FMNL2: variants seen among roughly 807,000 people sequenced by gnomAD.
FMNL2 encodes formin-like protein 2.
In FMNL2, 51 loss-of-function variants were observed where a neutral mutation model predicts 130.2. That is an observed-to-expected ratio of 0.39 (90% CI 0.31 to 0.49). FMNL2 has a LOEUF of 0.49. Ranked by LOEUF, FMNL2 falls within the 20% of genes least tolerant of loss-of-function variation. The pLI, the probability that FMNL2 is intolerant of heterozygous loss-of-function variation, is 0.85. For synonymous variants in FMNL2, 465 were observed against 467.1 expected (o/e 1.00, Z 0.06); for missense variants, 977 against 1,316.2 (o/e 0.74, Z 3.99).
intron 5 of FMNL2, among the ~76,000 whole-genome samples, chr2:152,559,910 A>G (rs1277430888): frequency 2.0e-5 from 3 of 152,212 alleles, no homozygotes; most frequent in African/African-American, 7.2e-5. Flanking sequence ...TTGTGCATCT[A>G]TCTCTGCTAT....
At chr2:152,603,770 G>T (rs530791626) in intron 9 of FMNL2, among the ~76,000 whole-genome samples, 1 of 151,186 alleles carries the variant, frequency 6.6e-6, no homozygotes, top group African/African-American at 2.4e-5. Flanking sequence ...TGCAGGGGCA[G>T]TGGGTCCATT....
At chr2:152,602,487 C>T (rs768197704) in intron 9 of FMNL2, among the ~76,000 whole-genome samples, 16 of 152,126 alleles carry the variant, frequency 1.1e-4, no homozygotes, top group Non-Finnish European at 1.6e-4. Flanking sequence ...CCGCTCTGCT[C>T]GGCTCAGTTT....
chr2:152,392,608 C>T (rs538848246), intron 1 of FMNL2, among the ~76,000 whole-genome samples: 15 of 152,292 alleles, frequency 9.8e-5, no homozygotes, highest in South Asian at 4.1e-4. Context: ...CATCCAAATG[C>T]GGAGTGAAGC....
At chr2:152,571,781 A>T (rs556347032) in intron 6 of FMNL2, among the ~76,000 whole-genome samples, 54 of 152,298 alleles carry the variant, frequency 3.5e-4, no homozygotes, top group Middle Eastern at 6.8e-3. Context: ...TATTGAATTG[A>T]TTTATTTGTG....
intron 17 of FMNL2, 129 bp from the exon 18 acceptor site, chr2:152,628,170 C>T (rs1437368016): frequency 5.2e-6 from 4 of 764,060 alleles, no homozygotes; most frequent in Admixed American, 2.5e-5. Context: ...ATCTTAGACT[C>T]GTTGATTTGG....
chr2:152,466,701 G>A (rs1177246614), intron 1 of FMNL2, among the ~76,000 whole-genome samples: 1 of 152,150 alleles, frequency 6.6e-6, no homozygotes, highest in Non-Finnish European at 1.5e-5. Flanking sequence ...TAAGGAGCAG[G>A]GGGAGAAGAC....
At chr2:152,561,384 T>G (rs1311897480) in intron 6 of FMNL2, among the ~76,000 whole-genome samples, 1 of 152,108 alleles carries the variant, frequency 6.6e-6, no homozygotes, top group African/African-American at 2.4e-5. Context: ...GAGGCAGCAC[T>G]TAGAGATCTG....
At chr2:152,445,626 G>A (rs924964173) in intron 1 of FMNL2, among the ~76,000 whole-genome samples, 1 of 152,148 alleles carries the variant, frequency 6.6e-6, no homozygotes, top group African/African-American at 2.4e-5. Context: ...TCAACTGGAG[G>A]ACTTGTTAAA....
intron 1 of FMNL2, among the ~76,000 whole-genome samples, chr2:152,485,594 G>C (rs574623962): frequency 2.3e-4 from 35 of 152,320 alleles, no homozygotes; most frequent in Admixed American, 6.5e-4. Context: ...GGTTTTGTGT[G>C]TGTGTGTGTT....
chr2:152,625,475 A>G lies in FMNL2; in HGVS notation c.1875A>G (p.Arg625=), dbSNP rs991251479. The G allele has an allele frequency of 1.9e-6, 3 of 1,611,466 alleles. No individual in the cohort carries two copies. In the African/African-American group the frequency reaches 4.0e-5, roughly 22 times the overall value. The part of the protein sequence containing the change: ...KIKKPIKTKF[R]MPVFNWVALK... The stretch of plus-strand genomic sequence containing the variant: ...AGAAGCCAATCAAGACGAAGTTCAG[A>G]ATGCCAGTGTTTAACTGGGTTGCTC... Residue 625 remains arginine (R), a synonymous_variant, in exon 16 of 26, where the codon AGA becomes AGG. Transcript: ENST00000288670.
At chr2:152,349,325 C>T (rs1682335969) in intron 1 of FMNL2, among the ~76,000 whole-genome samples, 2 of 152,148 alleles carry the variant, frequency 1.3e-5, no homozygotes, top group South Asian at 2.1e-4. Context: ...TATGCATTAT[C>T]GTTGATGCTC....
chr2:152,411,817 T>C (rs1039107584), intron 1 of FMNL2, among the ~76,000 whole-genome samples: 6 of 152,210 alleles, frequency 3.9e-5, no homozygotes, highest in South Asian at 4.1e-4. Context: ...TACCCTTTTA[T>C]TGGGTGCCAT....
At position 152,524,754 on chromosome 2, in the gene FMNL2, T is replaced by G. The variant is rs187308244; in HGVS notation, c.201+2728T>G. ...GCAGACCCTGTGCTGCACGTTTTGGTTTTGGAGCTTTGGCCATTTCCCGTA... is the reference window on the plus strand; with the variant it reads ...GCAGACCCTGTGCTGCACGTTTTGGGTTTGGAGCTTTGGCCATTTCCCGTA... On this transcript the variant is annotated intron_variant, in intron 2 of 25. Transcript: ENST00000288670. Among the ~76,000 whole-genome samples the G allele has an allele frequency of 1.3e-3, 202 of 152,238 alleles. 1 individual carries two copies. Among genetic ancestry groups the G allele is most frequent in the Admixed American group, 1.8e-3 (28 of 15,286 alleles).
chr2:152,618,095 G>C (rs1436558571), intron 13 of FMNL2, among the ~76,000 whole-genome samples: 1 of 152,154 alleles, frequency 6.6e-6, no homozygotes, highest in Non-Finnish European at 1.5e-5. Flanking sequence ...GGCCCAGCAA[G>C]GAAGTTCAGT....
chr2:152,615,778 T>C (rs182072439), intron 12 of FMNL2, among the ~76,000 whole-genome samples: 296 of 152,338 alleles, frequency 1.9e-3, no homozygotes, highest in African/African-American at 6.8e-3. Flanking sequence ...GATTATGAAA[T>C]GAAGTGTCTC....
rs756061850 is a variant in FMNL2 at position 152,522,010 on chromosome 2, A to G, written c.185A>G (p.Glu62Gly). Reference sequence around the variant, plus strand: ...CAGTATGATAATGAGAAAAAATGGGAACTGATTTGTGATCAGGTAAGAAAC... The same window carrying G: ...CAGTATGATAATGAGAAAAAATGGGGACTGATTTGTGATCAGGTAAGAAAC... ...LRQYDNEKKW[E>G]LICDQERFQV... The change falls in exon 2 of 26, where the codon GAA (glutamate) becomes GGA (glycine). Residue 62 changes from glutamate to glycine, a missense_variant. Glu to Gly is a moderately conservative substitution (Grantham distance 98). This residue lies in a region of FMNL2 where 117 missense variants were observed against 134.9 expected (regional missense o/e 0.87). Coordinates refer to ENST00000288670, the MANE Select transcript of FMNL2 (RefSeq NM_052905.4). The G allele has an allele frequency of 6.2e-7, 1 of 1,611,306 alleles. No homozygotes were observed. The highest frequency in any genetic ancestry group is 8.5e-7 in the Non-Finnish European group (1 of 1,179,220).
rs1683891260 is a variant in FMNL2 at position 152,649,455 on chromosome 2, T to TA, written c.*1551dup. 6.6e-6 allele frequency: 1 copy of TA among 152,628 alleles called. No individual in the cohort carries two copies. Among genetic ancestry groups the TA allele is most frequent in the Admixed American group, 6.5e-5 (1 of 15,280 alleles). 9.5% of individuals were successfully genotyped at this position (152,628 alleles called of 1,614,324 possible). On this transcript the variant is annotated 3_prime_UTR_variant, in exon 26 of 26. Transcript: ENST00000288670. Reference sequence around the variant, plus strand: ...CTACCACATTTCACTTTAGTGTACCTATTTACAGAAAGATTAAACTGCCAC... The same window carrying TA: ...CTACCACATTTCACTTTAGTGTACCTAATTTACAGAAAGATTAAACTGCCAC...
chr2:152,461,747 A>G (rs1689261775), intron 1 of FMNL2, among the ~76,000 whole-genome samples: 1 of 152,208 alleles, frequency 6.6e-6, no homozygotes. Flanking sequence ...TGTAATTACA[A>G]AAAGAATTTT....
At chr2:152,343,571 C>T (rs1475371809) in intron 1 of FMNL2, among the ~76,000 whole-genome samples, 3 of 44,138 alleles carry the variant, frequency 6.8e-5, no homozygotes, top group African/African-American at 1.3e-4. Context: ...GCTGGGATTA[C>T]AGGCATAAGC....
Sources: allele counts gnomAD v4.1 joint callset (sites outside exome capture counted in the v4.1 genomes callset), GRCh38; gene constraint gnomAD v4.1.1; regional missense constraint gnomAD v4.1.1; transcripts MANE v1.5; gene names NCBI Gene and HGNC (gene_info 2026-07-23, HGNC 2026-07-21).